KLF12: variants seen among roughly 807,000 people sequenced by gnomAD.
KLF12 encodes the protein Krueppel-like factor 12.
In KLF12, 9 loss-of-function variants were observed where a neutral mutation model predicts 37.8. That is an observed-to-expected ratio of 0.24 (90% CI 0.14 to 0.42). KLF12 has a LOEUF of 0.42. Among genes scored for constraint, KLF12 ranks in the 10% least tolerant of loss-of-function variants. KLF12 has a pLI of 1.00. For synonymous variants in KLF12, 208 were observed against 202.1 expected (o/e 1.03, Z -0.25); for missense variants, 411 against 516.0 (o/e 0.80, Z 1.97).
At chr13:74,169,395 C>T in the KLF12 span, among the ~76,000 whole-genome samples, 10 of 152,082 alleles carry the variant, frequency 6.6e-5, no homozygotes, top group Non-Finnish European at 1.3e-4. Flanking sequence ...TAGATGAAGA[C>T]ATTGATCCAT....
chr13:73,753,713 G>C (rs1201109569), intron 6 of KLF12, among the ~76,000 whole-genome samples: 1 of 151,508 alleles, frequency 6.6e-6, no homozygotes, highest in East Asian at 1.9e-4. Flanking sequence ...AGATGATCAG[G>C]TTTGTAAGTG....
intron 1 of KLF12, among the ~76,000 whole-genome samples, chr13:74,051,341 AACACACACACAC>A (rs10678885): frequency 1.4e-5 from 2 of 143,690 alleles, no homozygotes; most frequent in Non-Finnish European, 3.0e-5. Flanking sequence ...TACACACACA[AACACACACACAC>A]ACACACACAC....
chr13:73,865,126 A>G (rs1594187186), intron 3 of KLF12, among the ~76,000 whole-genome samples: 1 of 152,180 alleles, frequency 6.6e-6, no homozygotes, highest in African/African-American at 2.4e-5. Context: ...AATTCCAGAC[A>G]TAACTTTGTG....
In KLF12 at chr13:73,989,677, C is replaced by T. The variant is rs561511754; in HGVS notation, c.33+5313G>A. Among the ~76,000 whole-genome samples, 146 of 152,234 alleles carry T rather than the reference C, an allele frequency of 9.6e-4. 4 individuals are homozygous for T. The South Asian group carries it at 0.03, about 31-fold the overall frequency. On this transcript the variant is annotated intron_variant, in intron 2 of 7. Transcript: ENST00000377669. ...ACTCACTAGCTCATACCCAAATCAC[C>T]AGTGCTCCTGCTGATACTGTGCTCT...
At chr13:74,016,817 G>C (rs1375359293) in intron 1 of KLF12, among the ~76,000 whole-genome samples, 1 of 152,132 alleles carries the variant, frequency 6.6e-6, no homozygotes, top group Non-Finnish European at 1.5e-5. Context: ...GCACCAAAAG[G>C]CACTTCTAGA....
intron 1 of KLF12, among the ~76,000 whole-genome samples, chr13:74,048,804 T>C (rs919778207): frequency 1.6e-4 from 25 of 152,202 alleles, no homozygotes; most frequent in Non-Finnish European, 2.9e-4. Context: ...TAAGATGGAA[T>C]AGATTTTTCT....
chr13:74,140,929 G>A, the KLF12 span, among the ~76,000 whole-genome samples: 4 of 106,656 alleles, frequency 3.8e-5, no homozygotes, highest in East Asian at 5.8e-4. Context: ...GGTGGCAGGC[G>A]CCTGTAATCC....
the KLF12 span, among the ~76,000 whole-genome samples, chr13:74,303,663 A>G: frequency 6.6e-6 from 1 of 152,164 alleles, no homozygotes; most frequent in East Asian, 1.9e-4. Context: ...TATACAGTAG[A>G]GTACTATAAT....
intron 5 of KLF12, among the ~76,000 whole-genome samples, chr13:73,781,185 C>A (rs888387288): frequency 6.6e-6 from 1 of 152,170 alleles, no homozygotes; most frequent in African/African-American, 2.4e-5. Flanking sequence ...CATTTTCTGA[C>A]AATAATGTAT....
intron 3 of KLF12, among the ~76,000 whole-genome samples, chr13:73,866,027 G>A (rs1018517538): frequency 3.3e-5 from 5 of 152,200 alleles, no homozygotes; most frequent in Non-Finnish European, 5.9e-5. Flanking sequence ...AGGCGGAGGT[G>A]GGTGGATCCC....
At chr13:74,216,020 C>T in the KLF12 span, among the ~76,000 whole-genome samples, 5 of 152,140 alleles carry the variant, frequency 3.3e-5, no homozygotes, top group African/African-American at 1.2e-4. Flanking sequence ...CAGGAATGAA[C>T]ACAAGAGCCC....
chr13:74,053,256 C>T (rs1031045667), intron 1 of KLF12, among the ~76,000 whole-genome samples: 1 of 152,178 alleles, frequency 6.6e-6, no homozygotes, highest in African/African-American at 2.4e-5. Flanking sequence ...GAAAAACTGA[C>T]TATATCCTAC....
the KLF12 span, among the ~76,000 whole-genome samples, chr13:74,154,609 G>C: frequency 4.0e-5 from 6 of 151,736 alleles, no homozygotes; most frequent in Admixed American, 2.6e-4. Flanking sequence ...GAAAGCAAAG[G>C]GTGGGCAAGT....
the KLF12 span, among the ~76,000 whole-genome samples, chr13:74,244,781 A>C: frequency 1.3e-5 from 2 of 152,166 alleles, no homozygotes; most frequent in Non-Finnish European, 2.9e-5. Context: ...TATTGCTACC[A>C]AGTAAAATTG....
Position 73,927,213 on chromosome 13 carries a change from G to C in KLF12, c.123+16768C>G, listed in dbSNP as rs75380152. Among the ~76,000 whole-genome samples, 523 of 152,272 alleles carry C rather than the reference G, an allele frequency of 3.4e-3. 3 individuals carry two copies. Among genetic ancestry groups the C allele is most frequent in the African/African-American group, 0.012 (506 of 41,560 alleles). On this transcript the variant is annotated intron_variant, in intron 3 of 7. Coordinates refer to ENST00000377669, the MANE Select transcript of KLF12 (RefSeq NM_007249.5). The stretch of plus-strand genomic sequence containing the variant: ...TGCACCATTGAGAAGGTGAGAAAGG[G>C]AAGAAGACTAAGCAGCCAGCTAAAA...
chr13:74,268,499 G>A, the KLF12 span, among the ~76,000 whole-genome samples: 2 of 152,128 alleles, frequency 1.3e-5, no homozygotes, highest in South Asian at 2.1e-4. Flanking sequence ...GCTGGTCATG[G>A]GATAAGTGGT....
chr13:73,948,734 T>C (rs1193692101), intron 2 of KLF12, among the ~76,000 whole-genome samples: 13 of 152,370 alleles, frequency 8.5e-5, no homozygotes, highest in Non-Finnish European at 1.8e-4. Context: ...CTATTGCAGA[T>C]GTGCCAGTTC....
intron 6 of KLF12, among the ~76,000 whole-genome samples, chr13:73,738,880 C>T (rs78336923): frequency 0.012 from 1,887 of 152,220 alleles, 14 homozygotes; most frequent in South Asian, 0.035. Context: ...TCTAACTGTG[C>T]CACTATGGAC....
intron 7 of KLF12, among the ~76,000 whole-genome samples, chr13:73,714,491 C>T (rs1875648475): frequency 6.6e-6 from 1 of 152,190 alleles, no homozygotes; most frequent in Admixed American, 6.5e-5. Flanking sequence ...GACTTGCTTG[C>T]TGTGAGCCAT....
Sources: allele counts gnomAD v4.1 joint callset (sites outside exome capture counted in the v4.1 genomes callset), GRCh38; gene constraint gnomAD v4.1.1; transcripts MANE v1.5; gene names NCBI Gene and HGNC (gene_info 2026-07-23, HGNC 2026-07-21).